The following TRIM41 variants were observed in gnomAD, a reference collection of about 807,000 sequenced individuals.
TRIM41 encodes the protein E3 ubiquitin-protein ligase TRIM41.
In TRIM41, 21 loss-of-function variants were observed where a neutral mutation model predicts 60.6. That is an observed-to-expected ratio of 0.35 (90% CI 0.25 to 0.50). The LOEUF (loss-of-function observed/expected upper bound fraction) is 0.50, where lower values mean the gene tolerates loss of function less well. TRIM41 is among the 20% of genes least tolerant of loss of function. TRIM41 has a pLI of 0.98. For missense variants in TRIM41, 846 were observed against 868.3 expected, an observed-to-expected ratio of 0.97 and a Z score of 0.32; for synonymous variants, 407 against 344.9, an observed-to-expected ratio of 1.18 and a Z score of -2.00.
chr5:181,224,004 C>T lies in TRIM41; in HGVS notation c.5C>T (p.Ala2Val). 1 of 1,610,206 alleles carries T rather than the reference C, an allele frequency of 6.2e-7. No homozygotes were observed. Among genetic ancestry groups the T allele is most frequent in the Non-Finnish European group, 8.5e-7 (1 of 1,177,206 alleles). Residue 2 changes from alanine to valine, a missense_variant, in exon 1 of 6, where the codon GCT (alanine) becomes GTT (valine). By Grantham distance (64) the Ala-to-Val change is moderately conservative. Coordinates refer to ENST00000315073, the MANE Select transcript of TRIM41 (RefSeq NM_033549.5). The stretch of plus-strand genomic sequence containing the variant: ...ACTGGCTGGCTGGACACTAAGATGG[C>T]TGCCGTTGCCATGACACCCAACCCT... M[A>V]AVAMTPNPVQ...
chr5:181,230,976 C>T, intron 2 of TRIM41, 137 bp downstream of exon 2: 1 of 720,390 alleles, frequency 1.4e-6, no homozygotes, highest in East Asian at 2.8e-5. Flanking sequence ...AGATGCTTTC[C>T]CTAGGTGCTG....
At position 181,224,818 on chromosome 5, in the gene TRIM41, A is replaced by G. The variant is rs1470881177; in HGVS notation, c.813+6A>G. The stretch of plus-strand genomic sequence containing the variant: ...AGGTGGTGCAGGAGTACAAGGTGAG[A>G]GAAGTACAGAGAGAAGATGGGAGTT... On this transcript the variant is annotated splice_donor_region_variant and intron_variant, in intron 1 of 5. Transcript: ENST00000315073. The G allele has an allele frequency of 6.2e-7, 1 of 1,614,166 alleles. No individual in the cohort carries two copies. The highest frequency in any genetic ancestry group is 8.5e-7 in the Non-Finnish European group (1 of 1,180,040).
rs1253819481 is a variant in TRIM41, at chr5:181,223,695, GA to G, written c.-304del. 4 of 484,582 alleles carry G rather than the reference GA, an allele frequency of 8.3e-6. No homozygotes were observed. The highest frequency in any genetic ancestry group is 1.5e-5 in the Non-Finnish European group (4 of 274,840). The allele number at this position is 484,582 out of a possible 1,614,324, so 30.0% of individuals were successfully genotyped here. On this transcript the variant is annotated 5_prime_UTR_variant, in exon 1 of 6. Coordinates refer to ENST00000315073, the MANE Select transcript of TRIM41 (RefSeq NM_033549.5). ...GCTAGGGGCGGGGCCAGGAAGTGAG[GA>G]GGGGCGGGGGTTTATGAGGAGTCCA... is the stretch of plus-strand genomic sequence containing the variant.
rs763773057 is a variant in TRIM41, at chr5:181,234,183, C to T, written c.1301C>T (p.Thr434Met). The T allele has an allele frequency of 5.1e-5, 82 of 1,611,038 alleles. No homozygotes were observed. The highest frequency in any genetic ancestry group is 1.6e-4 in the Middle Eastern group (1 of 6,080). Reference sequence around the variant, plus strand: ...CTCCCTCCCTCCCAAGTGGACCTGACGCTGGACCCTGACACGGCTCACCCG... The same window carrying T: ...CTCCCTCCCTCCCAAGTGGACCTGATGCTGGACCCTGACACGGCTCACCCG... ...MFCQAARVDLTLDPDTAHPAL... is the reference protein window; with the variant it reads ...MFCQAARVDLMLDPDTAHPAL... Residue 434 changes from threonine to methionine, a missense_variant, in exon 6 of 6, where the codon ACG becomes ATG. Physicochemically the swap from Thr to Met is moderately conservative, Grantham distance 81 (BLOSUM62 -1). Transcript: ENST00000315073. This position sits in a 1 kb window ranked among gnomAD's most constrained non-coding sequence, Gnocchi z 5.6.
Position 181,224,788 on chromosome 5 carries a change from G to A in TRIM41, c.789G>A (p.Leu263=). The A allele has an allele frequency of 6.2e-7, 1 of 1,614,226 alleles. No individual in the cohort carries two copies. Among genetic ancestry groups the A allele is most frequent in the Non-Finnish European group, 8.5e-7 (1 of 1,180,046 alleles). The stretch of plus-strand genomic sequence containing the variant: ...ACAAACAGCACAGCGTGGTGCCATT[G>A]GAGGAGGTGGTGCAGGAGTACAAGG... ...RSHKQHSVVP[L]EEVVQEYKAK... is the part of the protein sequence containing the mutation. The change falls in exon 1 of 6, where the codon TTG becomes TTA. Residue 263 remains leucine (L), a synonymous_variant. Transcript: ENST00000315073.
chr5:181,230,513 A>T (rs973419904), intron 1 of TRIM41: 1 of 238,758 alleles, frequency 4.2e-6, no homozygotes, highest in African/African-American at 2.3e-5. Context: ...AAAAAAAAAA[A>T]AAAAAAAAAA....
chr5:181,225,530 A>G (rs1758510035), intron 1 of TRIM41: 1 of 152,708 alleles, frequency 6.5e-6, no homozygotes, highest in Admixed American at 6.5e-5. Context: ...AACCCAGACA[A>G]CACTGAGTTT....
chr5:181,223,750 G>A lies in TRIM41; in HGVS notation c.-250G>A. 1.7e-6 allele frequency: 1 copy of A among 595,198 alleles called. No homozygotes were observed. The highest frequency in any genetic ancestry group is 3.0e-6 in the Non-Finnish European group (1 of 334,458). The allele number at this position is 595,198 out of a possible 1,614,324, so 36.9% of individuals were successfully genotyped here. A position where few individuals can be genotyped will look rare whatever the true frequency, so the allele number is the denominator to read the frequency against. The stretch of plus-strand genomic sequence containing the variant: ...GAGCATTGGGGCAGACTTGTACTCA[G>A]AGCCACCTGAGGGACTTGGCGGTGG... On this transcript the variant is annotated 5_prime_UTR_variant, in exon 1 of 6. Transcript: ENST00000315073.
chr5:181,233,928 G>T lies in TRIM41; in HGVS notation c.1291+165G>T. 1 of 1,260,626 alleles carries T rather than the reference G, an allele frequency of 7.9e-7. No homozygotes were observed. 78.1% of individuals were successfully genotyped at this position (1,260,626 alleles called of 1,614,324 possible). A position where few individuals can be genotyped will look rare whatever the true frequency, so the allele number is the denominator to read the frequency against. On this transcript the variant is annotated intron_variant, in intron 5 of 5. Transcript: ENST00000315073. The surrounding 1 kb of genome is among the most constrained non-coding windows in gnomAD (Gnocchi z 4.1). ...TTCAAGCCATGAGCAGGTAGACCTA[G>T]TGCAGGCAGGCCTGGAGGGTGGGGT...
At chr5:181,232,290 T>G in intron 2 of TRIM41, 1 of 227,782 alleles carries the variant, frequency 4.4e-6, no homozygotes, top group Non-Finnish European at 8.6e-6. Flanking sequence ...AAACACAACG[T>G]TTCAATATTA....
In TRIM41 at chr5:181,232,492, G is replaced by A. The variant is rs1052967490; in HGVS notation, c.910-167G>A. 9.5e-6 allele frequency: 6 copies of A among 634,134 alleles called. No homozygotes were observed. In the Admixed American group the frequency reaches 1.9e-4, roughly 20 times the overall value. The allele number at this position is 634,134 out of a possible 1,614,324, so 39.3% of individuals were successfully genotyped here. A position where few individuals can be genotyped will look rare whatever the true frequency, so the allele number is the denominator to read the frequency against. ...AGACCACTGTGCTGGGAGCAAGGGG[G>A]TGGTATCTGGTAAGGCTGGTAGGGG... is the stretch of plus-strand genomic sequence containing the variant. On this transcript the variant is annotated intron_variant, in intron 2 of 5. Transcript: ENST00000315073.
chr5:181,225,898 T>C (rs1935191514), intron 1 of TRIM41: 1 of 152,234 alleles, frequency 6.6e-6, no homozygotes, highest in Non-Finnish European at 1.5e-5. Context: ...GGGGGTAGCC[T>C]CTGTGTGGTC....
intron 1 of TRIM41, chr5:181,227,772 C>T (rs1368512793): frequency 6.6e-6 from 1 of 151,872 alleles, no homozygotes; most frequent in Non-Finnish European, 1.5e-5. Flanking sequence ...AAATATAGTT[C>T]CTGAACAGTT....
chr5:181,233,130 T>A lies in TRIM41; in HGVS notation c.1140+241T>A, dbSNP rs957580449. 1.4e-6 allele frequency: 1 copy of A among 714,994 alleles called. No homozygotes were observed. The highest frequency in any genetic ancestry group is 1.7e-5 in the African/African-American group (1 of 57,476). The allele number at this position is 714,994 out of a possible 1,614,324, so 44.3% of individuals were successfully genotyped here. A position where few individuals can be genotyped will look rare whatever the true frequency, so the allele number is the denominator to read the frequency against. On this transcript the variant is annotated intron_variant, in intron 3 of 5. Transcript: ENST00000315073. This position sits in a 1 kb window ranked among gnomAD's most constrained non-coding sequence, Gnocchi z 4.1. ...TTGTAGGAGAGGTTTAAATGACAGT[T>A]GAGGAAAGTCTTTTTGACAGTGACA...
intron 1 of TRIM41, chr5:181,226,346 C>G (rs1334078479): frequency 6.6e-6 from 1 of 152,216 alleles, no homozygotes; most frequent in East Asian, 1.9e-4. Flanking sequence ...CTCAGGTGAT[C>G]CGCCTGTTTT....
In TRIM41 at chr5:181,234,773, T is replaced by TGATTATCCTGCCACCC; in HGVS notation, c.1893_*15dup. ...GGGCACCCGCATCAAGCTCTGCCCT[T>TGATTATCCTGCCACCC]GATTATCCTGCCACCCGCAGGGGCC... On this transcript the variant is annotated frameshift_variant and stop_retained_variant, in exon 6 of 6. Coordinates refer to ENST00000315073, the MANE Select transcript of TRIM41 (RefSeq NM_033549.5). LOFTEE classifies it high-confidence loss of function. This position sits in a 1 kb window ranked among gnomAD's most constrained non-coding sequence, Gnocchi z 5.6. 6.2e-7 allele frequency: 1 copy of TGATTATCCTGCCACCC among 1,609,426 alleles called. No homozygotes were observed.
Position 181,234,813 on chromosome 5 carries a change from TG to T in TRIM41, c.*44del, listed in dbSNP as rs749803445. ...CCGCAGGGGCCCCTCTGTCAGCACT[TG>T]GGGGGTGGGTGGTGGAGGGTGGCCC... On this transcript the variant is annotated 3_prime_UTR_variant, in exon 6 of 6. Transcript: ENST00000315073. The surrounding 1 kb of genome is among the most constrained non-coding windows in gnomAD (Gnocchi z 5.6). The T allele has an allele frequency of 1.6e-5, 26 of 1,606,560 alleles. No homozygotes were observed. The highest frequency in any genetic ancestry group is 2.0e-5 in the Non-Finnish European group (23 of 1,176,030).
Position 181,234,016 on chromosome 5 carries a change from G to T in TRIM41, c.1292-158G>T, listed in dbSNP as rs1758930198. On this transcript the variant is annotated intron_variant, in intron 5 of 5. Coordinates refer to ENST00000315073, the MANE Select transcript of TRIM41 (RefSeq NM_033549.5). This position sits in a 1 kb window ranked among gnomAD's most constrained non-coding sequence, Gnocchi z 5.6. ...CCTGTCAGGTATCCTAGGAACAAGA[G>T]TGAGGAGCAAGATGAGCCTGCAGGA... 1.5e-6 allele frequency: 2 copies of T among 1,347,536 alleles called. No homozygotes were observed. The highest frequency in any genetic ancestry group is 2.1e-6 in the Non-Finnish European group (2 of 972,192). The allele number at this position is 1,347,536 out of a possible 1,614,324, so 83.5% of individuals were successfully genotyped here. A position where few individuals can be genotyped will look rare whatever the true frequency, so the allele number is the denominator to read the frequency against.
In TRIM41 at chr5:181,232,829, C is replaced by T. The variant is rs1160268903; in HGVS notation, c.1080C>T (p.Leu360=). The T allele has an allele frequency of 6.4e-7, 1 of 1,569,604 alleles. No homozygotes were observed. The highest frequency in any genetic ancestry group is 8.6e-7 in the Non-Finnish European group (1 of 1,159,828). ...ASRLAEQAAQ[L]SRLLAEAQER... The stretch of plus-strand genomic sequence containing the variant: ...GCCTTGCAGAACAGGCCGCCCAGCT[C>T]AGCCGCCTGCTGGCAGAGGCCCAGG... Residue 360 remains leucine (L), a synonymous_variant, in exon 3 of 6, where the codon CTC becomes CTT. Transcript: ENST00000315073.
Sources: allele counts gnomAD v4.1 joint callset, GRCh38; gene constraint gnomAD v4.1.1; non-coding constraint Gnocchi (gnomAD v3.1); transcripts MANE v1.5; gene names NCBI Gene and HGNC (gene_info 2026-07-23, HGNC 2026-07-21).